TDRD3: variants seen among roughly 807,000 people sequenced by gnomAD.
The protein encoded by TDRD3 is tudor domain containing 3.
In TDRD3, 45 loss-of-function variants were observed where a neutral mutation model predicts 86.7. The ratio of observed to expected loss-of-function variants is 0.52; its 90% CI spans 0.41 to 0.67. The LOEUF (loss-of-function observed/expected upper bound fraction) is 0.67. Ranked by LOEUF, TDRD3 falls within the 30% of genes least tolerant of loss-of-function variation. The pLI, the probability that TDRD3 is intolerant of heterozygous loss-of-function variation, is 0.00. For missense variants in TDRD3, 814 were observed against 889.0 expected (o/e 0.92, Z 1.07); for synonymous variants, 298 against 301.7 (o/e 0.99, Z 0.13).
chr13:60,458,559 G>A (rs763464907), intron 3 of TDRD3, among the ~76,000 whole-genome samples: 3 of 152,216 alleles, frequency 2.0e-5, no homozygotes, highest in Non-Finnish European at 4.4e-5. Flanking sequence ...TTAAATAAAA[G>A]CAAATGTTTC....
intron 3 of TDRD3, among the ~76,000 whole-genome samples, chr13:60,454,706 G>A (rs1275666720): frequency 2.0e-5 from 3 of 152,118 alleles, no homozygotes; most frequent in Non-Finnish European, 4.4e-5. Flanking sequence ...CTTCTTTGGA[G>A]GGAAATGTAG....
chr13:60,473,483 C>T (rs1956114263), intron 5 of TDRD3, among the ~76,000 whole-genome samples: 1 of 152,022 alleles, frequency 6.6e-6, no homozygotes, highest in African/African-American at 2.4e-5. Flanking sequence ...CACCCAGGTG[C>T]CAAGGCAAGA....
intron 7 of TDRD3, among the ~76,000 whole-genome samples, chr13:60,492,826 G>T (rs1249402017): frequency 6.0e-5 from 9 of 149,890 alleles, no homozygotes; most frequent in Non-Finnish European, 1.3e-4. Flanking sequence ...TGCTTAATAT[G>T]TTATCCATTA....
intron 1 of TDRD3, among the ~76,000 whole-genome samples, chr13:60,419,816 A>G (rs1954611760): frequency 6.6e-6 from 1 of 152,128 alleles, no homozygotes; most frequent in Non-Finnish European, 1.5e-5. Context: ...AAAAGAATAG[A>G]TGGATGAAAG....
chr13:60,439,732 A>G lies in TDRD3; in HGVS notation c.86A>G (p.Asp29Gly), dbSNP rs1955210267. 1 of 1,545,682 alleles carries G rather than the reference A, an allele frequency of 6.5e-7. No homozygotes were observed. The highest frequency in any genetic ancestry group is 2.0e-5 in the Admixed American group (1 of 49,966). ...EGIEACTSSPDKVNVNDIILI... is the reference protein window; with the variant it reads ...EGIEACTSSPGKVNVNDIILI... ...ATTGAAGCTTGCACAAGCTCTCCAG[A>G]CAAAGTCAATGTAAATGACATCATC... is the stretch of plus-strand genomic sequence containing the variant. Residue 29 changes from aspartate to glycine, a missense_variant, in exon 2 of 14, where the codon GAC becomes GGC. Physicochemically the swap from Asp to Gly is moderately conservative, Grantham distance 94. Transcript: ENST00000377881.
intron 3 of TDRD3, among the ~76,000 whole-genome samples, chr13:60,453,168 C>G (rs1413627015): frequency 6.6e-6 from 1 of 152,084 alleles, no homozygotes; most frequent in Non-Finnish European, 1.5e-5. Context: ...TGACAATACA[C>G]ATGAATAATG....
At chr13:60,450,882 A>G (rs573775026) in intron 3 of TDRD3, among the ~76,000 whole-genome samples, 2 of 152,304 alleles carry the variant, frequency 1.3e-5, no homozygotes, top group South Asian at 2.1e-4. Context: ...GTGATTTTCA[A>G]TGAAGGAATA....
intron 1 of TDRD3, among the ~76,000 whole-genome samples, chr13:60,437,729 A>G (rs1955155400): frequency 6.6e-6 from 1 of 152,056 alleles, no homozygotes; most frequent in South Asian, 2.1e-4. Flanking sequence ...TAGTCATTAC[A>G]TACTATTTCC....
At chr13:60,497,489 C>T (rs1956743982) in intron 8 of TDRD3, among the ~76,000 whole-genome samples, 1 of 152,178 alleles carries the variant, frequency 6.6e-6, no homozygotes, top group Non-Finnish European at 1.5e-5. Flanking sequence ...GTGCAGTCAC[C>T]TTCCCCAGCT....
At chr13:60,562,190 G>T (rs12873229) in intron 12 of TDRD3, among the ~76,000 whole-genome samples, 20,749 of 152,016 alleles carry the variant, frequency 0.14, 1,671 homozygotes, top group South Asian at 0.2. Context: ...GTGCGTGCCT[G>T]TAATTCCAGC....
intron 10 of TDRD3, among the ~76,000 whole-genome samples, chr13:60,524,942 C>A (rs1330946099): frequency 6.6e-6 from 1 of 151,084 alleles, no homozygotes; most frequent in East Asian, 2.0e-4. Context: ...CAAAAATTAG[C>A]CAGACGTGGT....
At chr13:60,397,155 G>C (rs1186447224), upstream of TDRD3, 1 of 401,394 alleles carries the variant, frequency 2.5e-6, no homozygotes, top group South Asian at 7.9e-5. Flanking sequence ...CCCCACACCA[G>C]GCCGGCCCCT....
At chr13:60,420,939 G>A (rs143330992) in intron 1 of TDRD3, among the ~76,000 whole-genome samples, 59 of 152,020 alleles carry the variant, frequency 3.9e-4, no homozygotes, top group African/African-American at 1.3e-3. Flanking sequence ...CTGAGACTCC[G>A]TCTCAAAAAA....
In TDRD3 at chr13:60,460,773, G is replaced by A. The variant is rs1594960418; in HGVS notation, c.353+233G>A. ...TAATCCCAGCACTTTGGGAGGCCAA[G>A]GGGGACGGATCACCCAAGGTCAGGA... On this transcript the variant is annotated intron_variant, in intron 4 of 13. Coordinates refer to ENST00000377881, the MANE Select transcript of TDRD3 (RefSeq NM_001146070.2). 4 of 296,072 alleles carry A rather than the reference G, an allele frequency of 1.4e-5. No homozygotes were observed. In the East Asian group the frequency reaches 3.3e-4, roughly 24 times the overall value. 18.3% of individuals were successfully genotyped at this position (296,072 alleles called of 1,614,324 possible). A position where few individuals can be genotyped will look rare whatever the true frequency, so the allele number is the denominator to read the frequency against.
At chr13:60,525,102 A>AC (rs1182406980) in intron 10 of TDRD3, among the ~76,000 whole-genome samples, 3 of 149,398 alleles carry the variant, frequency 2.0e-5, no homozygotes, top group Non-Finnish European at 4.5e-5. Context: ...AAAAAAAAAA[A>AC]AAAAAAACCC....
chr13:60,406,376 A>C (rs551562057), intron 1 of TDRD3, among the ~76,000 whole-genome samples: 3 of 152,366 alleles, frequency 2.0e-5, no homozygotes, highest in Middle Eastern at 6.8e-3. Context: ...ACTAAAAATG[A>C]GTGTAAGGAT....
intron 12 of TDRD3, among the ~76,000 whole-genome samples, chr13:60,556,162 A>T (rs572579226): frequency 2.2e-4 from 33 of 152,184 alleles, no homozygotes; most frequent in African/African-American, 7.0e-4. Flanking sequence ...ATTTCTTTTA[A>T]CCTATTATTC....
chr13:60,402,587 T>A (rs1954128722), intron 1 of TDRD3, among the ~76,000 whole-genome samples: 1 of 152,042 alleles, frequency 6.6e-6, no homozygotes, highest in Admixed American at 6.5e-5. Flanking sequence ...AAGTCACATG[T>A]ACAAGACAGG....
intron 1 of TDRD3, among the ~76,000 whole-genome samples, chr13:60,425,019 G>A (rs906069825): frequency 1.3e-4 from 20 of 151,992 alleles, no homozygotes; most frequent in Admixed American, 9.2e-4. Context: ...AACACATTTT[G>A]TTTATATTCA....
Sources: allele counts gnomAD v4.1 joint callset (sites outside exome capture counted in the v4.1 genomes callset), GRCh38; gene constraint gnomAD v4.1.1; transcripts MANE v1.5; gene names NCBI Gene and HGNC (gene_info 2026-07-23, HGNC 2026-07-21).